Variants in DOCK5 observed in about 807,000 individuals in gnomAD.
DOCK5 encodes dedicator of cytokinesis protein 5.
Under a neutral mutation model 251.8 loss-of-function variants are expected in DOCK5, and 142 were observed. That is an observed-to-expected ratio of 0.56 (90% confidence interval 0.49 to 0.65). DOCK5 has a LOEUF of 0.65. DOCK5 is among the 30% of genes least tolerant of loss of function. The pLI, the probability that DOCK5 is intolerant of heterozygous loss-of-function variation, is 0.00. For synonymous variants in DOCK5, 842 were observed against 835.5 expected, an observed-to-expected ratio of 1.01 and a Z score of -0.13; for missense variants, 2,111 against 2,312.3, an observed-to-expected ratio of 0.91 and a Z score of 1.79.
At chr8:25,197,556 T>C (rs4872294) in intron 1 of DOCK5, among the ~76,000 whole-genome samples, 143,840 of 143,924 alleles carry the variant, frequency 1, 71,878 homozygotes, top group Middle Eastern at 1. Context: ...TGCCCTCTCT[T>C]TAAGGATCGT....
At position 25,300,587 on chromosome 8, in the gene DOCK5, T is replaced by C; in HGVS notation, c.776T>C (p.Leu259Pro). The change falls in exon 9 of 52, where the codon CTA becomes CCA. Residue 259 changes from leucine (L) to proline (P), a missense_variant. Leu to Pro is a moderately conservative substitution (Grantham distance 98). Around this residue, in one of 3 missense-constraint regions of DOCK5, gnomAD observed 335 missense variants for 324.9 expected, o/e 1.03. Transcript: ENST00000276440. ...TTTTCCTTTGCCAGTGAGAACTATC[T>C]AATTCGTTGGGGCAGTAACGGGATG... Reference protein sequence around the residue: ...DQSTFISENYLIRWGSNGMPK... With the variant: ...DQSTFISENYPIRWGSNGMPK... 1 of 1,613,000 alleles carries C rather than the reference T, an allele frequency of 6.2e-7. No individual in the cohort carries two copies. Among genetic ancestry groups the C allele is most frequent in the Non-Finnish European group, 8.5e-7 (1 of 1,179,506 alleles).
At chr8:25,332,536 C>A in intron 19 of DOCK5, 67 bp from the exon 20 acceptor site, 1 of 1,382,954 alleles carries the variant, frequency 7.2e-7, no homozygotes, top group Non-Finnish European at 9.9e-7. Context: ...CTAGTTGTAC[C>A]CAGATTTCTG....
chr8:25,208,129 G>T (rs756218287), intron 1 of DOCK5, among the ~76,000 whole-genome samples: 1 of 152,242 alleles, frequency 6.6e-6, no homozygotes, highest in Non-Finnish European at 1.5e-5. Context: ...GCCTGAAGAT[G>T]TGAGAATTGC....
rs142333395 is a variant in DOCK5 at position 25,246,209 on chromosome 8, A to G, written c.127+2452A>G. On this transcript the variant is annotated intron_variant, in intron 2 of 51. Coordinates refer to ENST00000276440, the MANE Select transcript of DOCK5 (RefSeq NM_024940.8). ...TCAATTTTTGTCCTCCTGGCTCCACAAGGCCATCAGAAATGCTGCTCAGCT... is the reference window on the plus strand; with the variant it reads ...TCAATTTTTGTCCTCCTGGCTCCACGAGGCCATCAGAAATGCTGCTCAGCT... 2.6e-3 allele frequency among the ~76,000 whole-genome samples: 402 copies of G among 152,264 alleles called. 2 individuals carry two copies. The highest frequency in any genetic ancestry group is 9.3e-3 in the African/African-American group (385 of 41,554).
intron 26 of DOCK5, chr8:25,351,521 C>CT: frequency 1.9e-6 from 1 of 514,448 alleles, no homozygotes. Context: ...CCACATTCAT[C>CT]TTTTAAGTGT....
intron 1 of DOCK5, among the ~76,000 whole-genome samples, chr8:25,201,160 G>A (rs1801871514): frequency 6.6e-6 from 1 of 152,176 alleles, no homozygotes; most frequent in Non-Finnish European, 1.5e-5. Flanking sequence ...GCCCACCTCG[G>A]CCTCCCAAAA....
chr8:25,346,071 C>T (rs1800361715), intron 26 of DOCK5, among the ~76,000 whole-genome samples: 4 of 152,104 alleles, frequency 2.6e-5, no homozygotes, highest in Admixed American at 2.6e-4. Context: ...AGGATAGTCT[C>T]GATCTCCTGA....
chr8:25,384,466 T>TATTTATTTA (rs111515435), intron 40 of DOCK5, among the ~76,000 whole-genome samples: 42,976 of 128,920 alleles, frequency 0.33, 7,404 homozygotes, highest in South Asian at 0.37. Flanking sequence ...TTTATTTATT[T>TATTTATTTA]TTTTTTTTTT....
chr8:25,253,173 T>C (rs1031806932), intron 2 of DOCK5, among the ~76,000 whole-genome samples: 1 of 152,242 alleles, frequency 6.6e-6, no homozygotes, highest in Non-Finnish European at 1.5e-5. Flanking sequence ...ATATGGAATT[T>C]TCTACTGTAG....
At position 25,271,949 on chromosome 8, in the gene DOCK5, A is replaced by G. The variant is rs183664308; in HGVS notation, c.168+3064A>G. On this transcript the variant is annotated intron_variant, in intron 3 of 51. Transcript: ENST00000276440. Reference sequence around the variant, plus strand: ...AAGGTGAAGCCTACTGATGACAAATACACACATACTATGTAACAAATACAC... The same window carrying G: ...AAGGTGAAGCCTACTGATGACAAATGCACACATACTATGTAACAAATACAC... 1.8e-4 allele frequency among the ~76,000 whole-genome samples: 27 copies of G among 152,384 alleles called. No homozygotes were observed. In the East Asian group the frequency reaches 4.4e-3, roughly 25 times the overall value.
chr8:25,396,646 G>A (rs1029060475), intron 45 of DOCK5, among the ~76,000 whole-genome samples: 4 of 152,070 alleles, frequency 2.6e-5, no homozygotes, highest in African/African-American at 9.7e-5. Flanking sequence ...TAAACTTTTT[G>A]GATATAAATC....
chr8:25,289,838 G>A (rs774938441), intron 5 of DOCK5, among the ~76,000 whole-genome samples: 14 of 151,826 alleles, frequency 9.2e-5, no homozygotes, highest in Admixed American at 4.6e-4. Context: ...GCAAAACTCC[G>A]TTTCCAAAAA....
chr8:25,390,305 T>TAAA lies in DOCK5; in HGVS notation c.4355+30_4355+32dup. The TAAA allele has an allele frequency of 1.5e-6, 2 of 1,363,942 alleles. No homozygotes were observed. Among genetic ancestry groups the TAAA allele is most frequent in the Non-Finnish European group, 2.0e-6 (2 of 1,011,908 alleles). The allele number at this position is 1,363,942 out of a possible 1,614,324, so 84.5% of individuals were successfully genotyped here. On this transcript the variant is annotated intron_variant, in intron 42 of 51. Transcript: ENST00000276440. ...ATCTTAAAGTAAGTGGTTTTTCATT[T>TAAA]AAAAAAAAAAAAAATCTGTGTCTAG...
At chr8:25,247,143 G>C (rs1375198921) in intron 2 of DOCK5, among the ~76,000 whole-genome samples, 1 of 152,132 alleles carries the variant, frequency 6.6e-6, no homozygotes, top group African/African-American at 2.4e-5. Flanking sequence ...TCCTGCCTCA[G>C]CCTTCCAAAG....
intron 5 of DOCK5, among the ~76,000 whole-genome samples, chr8:25,281,656 G>A (rs1381213624): frequency 1.3e-5 from 2 of 151,740 alleles, no homozygotes; most frequent in Admixed American, 1.3e-4. Flanking sequence ...TGAGGTGGGC[G>A]GATCACAAGG....
In DOCK5 at chr8:25,338,683, A is replaced by C. The variant is rs533343575; in HGVS notation, c.2328-2194A>C. Among the ~76,000 whole-genome samples, 25 of 152,238 alleles carry C rather than the reference A, an allele frequency of 1.6e-4. No individual in the cohort carries two copies. The South Asian group carries it at 4.8e-3, about 29-fold the overall frequency. The stretch of plus-strand genomic sequence containing the variant: ...TCATTATATTTTCCAGTTATGGTAC[A>C]TTTCCATGTATTCAGAATGGTTGGG... On this transcript the variant is annotated intron_variant, in intron 22 of 51. Coordinates refer to ENST00000276440, the MANE Select transcript of DOCK5 (RefSeq NM_024940.8).
chr8:25,403,362 C>T (rs1801469552), intron 47 of DOCK5, among the ~76,000 whole-genome samples, 196 bp from the exon 48 acceptor site: 1 of 152,058 alleles, frequency 6.6e-6, no homozygotes, highest in East Asian at 1.9e-4. Flanking sequence ...CTAAGTTGTA[C>T]CTATAGCTAA....
intron 1 of DOCK5, among the ~76,000 whole-genome samples, chr8:25,226,376 C>T (rs1802532315): frequency 6.7e-6 from 1 of 148,794 alleles, no homozygotes; most frequent in Non-Finnish European, 1.5e-5. Flanking sequence ...GGTTTTCTTG[C>T]CTCAGCCTCC....
intron 5 of DOCK5, among the ~76,000 whole-genome samples, chr8:25,288,786 A>G (rs1804409108): frequency 1.3e-5 from 2 of 152,232 alleles, no homozygotes; most frequent in Non-Finnish European, 2.9e-5. Flanking sequence ...AACATTTTAT[A>G]TAAGATTGAA....
Sources: allele counts gnomAD v4.1 joint callset (sites outside exome capture counted in the v4.1 genomes callset), GRCh38; gene constraint gnomAD v4.1.1; regional missense constraint gnomAD v4.1.1; transcripts MANE v1.5; gene names NCBI Gene and HGNC (gene_info 2026-07-23, HGNC 2026-07-21).